Variants in LRP1B observed in about 807,000 individuals in gnomAD.
LRP1B encodes the protein low-density lipoprotein receptor-related protein 1B.
A neutral mutation model predicts 556.6 loss-of-function variants in LRP1B; 217 were observed. The observed-to-expected ratio is 0.39, with a 90% confidence interval of 0.35 to 0.44. LRP1B has a LOEUF of 0.44. Among genes scored for constraint, LRP1B ranks in the 20% least tolerant of loss-of-function variants. The pLI is 1.00. For synonymous variants in LRP1B, 2,047 were observed against 1,865.8 expected (o/e 1.10, Z -2.50); for missense variants, 5,053 against 5,620.8 (o/e 0.90, Z 3.23).
chr2:141,912,078 CCTCT>C (rs1699920466), intron 1 of LRP1B, among the ~76,000 whole-genome samples: 1 of 152,146 alleles, frequency 6.6e-6, no homozygotes, highest in African/African-American at 2.4e-5. Context: ...TATCATATTT[CCTCT>C]CTTATTTCCA....
intron 59 of LRP1B, among the ~76,000 whole-genome samples, chr2:140,485,132 TA>T (rs971738693): frequency 6.6e-5 from 10 of 152,168 alleles, no homozygotes; most frequent in Admixed American, 2.6e-4. Flanking sequence ...TTTAAAACTT[TA>T]AAAAAATAGT....
At position 141,279,671 on chromosome 2, in the gene LRP1B, C is replaced by A. The variant is rs186575695; in HGVS notation, c.344-25030G>T. ...TCATATTTCATTTCTTCTTTTGGAGCCTGGAACAAGCTATCCTCTCAACGA... is the reference window on the plus strand; with the variant it reads ...TCATATTTCATTTCTTCTTTTGGAGACTGGAACAAGCTATCCTCTCAACGA... On this transcript the variant is annotated intron_variant, in intron 3 of 90. Transcript: ENST00000389484. 1.6e-3 allele frequency among the ~76,000 whole-genome samples: 242 copies of A among 152,126 alleles called. 2 individuals carry two copies. Among genetic ancestry groups the A allele is most frequent in the African/African-American group, 5.3e-3 (220 of 41,536 alleles).
rs139190366 is a variant in LRP1B at position 140,399,906 on chromosome 2, T to C, written c.10415-13897A>G. Among the ~76,000 whole-genome samples, 645 of 152,316 alleles carry C rather than the reference T, an allele frequency of 4.2e-3. 4 individuals carry two copies. The highest frequency in any genetic ancestry group is 0.018 in the South Asian group (87 of 4,830). The stretch of plus-strand genomic sequence containing the variant: ...TAACACACTTAGACAGTCTTTGGTA[T>C]TCCCTTTTGTCAATTTTGTTTTTCC... On this transcript the variant is annotated intron_variant, in intron 66 of 90. Coordinates refer to ENST00000389484, the MANE Select transcript of LRP1B (RefSeq NM_018557.3).
intron 3 of LRP1B, among the ~76,000 whole-genome samples, chr2:141,405,511 A>T (rs2104932610): frequency 6.6e-6 from 1 of 152,300 alleles, no homozygotes; most frequent in East Asian, 1.9e-4. Flanking sequence ...TTAGTAGTCA[A>T]ATTAGACACA....
At chr2:141,299,013 C>G (rs300341) in intron 3 of LRP1B, among the ~76,000 whole-genome samples, 144,810 of 150,822 alleles carry the variant, frequency 0.96, 69,801 homozygotes, top group East Asian at 1. Flanking sequence ...GAGTATAATA[C>G]CTTGCAGTAT....
At chr2:141,028,347 GAT>G (rs748502844) in intron 11 of LRP1B, among the ~76,000 whole-genome samples, 10 of 151,526 alleles carry the variant, frequency 6.6e-5, no homozygotes, top group Non-Finnish European at 1.3e-4. Flanking sequence ...ATTCAAGGTA[GAT>G]ATGTATCTCT....
chr2:141,042,514 G>A (rs1698731613), intron 11 of LRP1B, among the ~76,000 whole-genome samples: 1 of 152,068 alleles, frequency 6.6e-6, no homozygotes, highest in South Asian at 2.1e-4. Context: ...CGTGTAGCAG[G>A]CTAATGTTTT....
At chr2:141,933,940 T>A (rs1700568866) in intron 1 of LRP1B, among the ~76,000 whole-genome samples, 1 of 152,052 alleles carries the variant, frequency 6.6e-6, no homozygotes, top group Non-Finnish European at 1.5e-5. Context: ...CAAGTCATCA[T>A]GAGTAAGGGC....
At chr2:141,996,234 T>A (rs1159567720) in intron 1 of LRP1B, among the ~76,000 whole-genome samples, 1 of 150,360 alleles carries the variant, frequency 6.7e-6, no homozygotes, top group Non-Finnish European at 1.5e-5. Context: ...AAAAACGTTA[T>A]AAGTGATTGT....
intron 37 of LRP1B, among the ~76,000 whole-genome samples, chr2:140,708,626 C>T (rs574975131): frequency 6.6e-6 from 1 of 151,712 alleles, no homozygotes; most frequent in East Asian, 1.9e-4. Flanking sequence ...CATCCTCTCA[C>T]TTAAACAAAC....
chr2:141,359,050 C>A (rs1303633714), intron 3 of LRP1B, among the ~76,000 whole-genome samples: 1 of 151,528 alleles, frequency 6.6e-6, no homozygotes, highest in Admixed American at 6.6e-5. Context: ...CTATGAAAAA[C>A]AAATCTATGA....
intron 1 of LRP1B, among the ~76,000 whole-genome samples, chr2:142,053,220 G>A (rs1188166928): frequency 6.6e-6 from 1 of 152,012 alleles, no homozygotes; most frequent in African/African-American, 2.4e-5. Context: ...GCTAAACTGG[G>A]CCAAAATAAT....
At chr2:141,278,375 C>T in intron 3 of LRP1B, among the ~76,000 whole-genome samples, 1 of 152,012 alleles carries the variant, frequency 6.6e-6, no homozygotes, top group East Asian at 1.9e-4. Context: ...ATAGTATATT[C>T]CTAGTATAAA....
chr2:141,675,384 C>A (rs1028343738), intron 2 of LRP1B, among the ~76,000 whole-genome samples: 1 of 151,634 alleles, frequency 6.6e-6, no homozygotes, highest in Admixed American at 6.6e-5. Flanking sequence ...ATCTTTAACC[C>A]AATCTTTGTA....
intron 3 of LRP1B, among the ~76,000 whole-genome samples, chr2:141,407,455 G>A (rs925609931): frequency 2.6e-5 from 4 of 152,126 alleles, no homozygotes; most frequent in African/African-American, 9.7e-5. Flanking sequence ...AGATTGAATT[G>A]TAATCCCCAG....
intron 88 of LRP1B, among the ~76,000 whole-genome samples, chr2:140,238,877 CTA>C (rs1379863421): frequency 1.3e-5 from 2 of 150,870 alleles, no homozygotes; most frequent in East Asian, 2.0e-4. Context: ...ACCCTACACT[CTA>C]TGTCAGTAAT....
At chr2:141,349,844 T>A (rs545715201) in intron 3 of LRP1B, among the ~76,000 whole-genome samples, 2 of 152,144 alleles carry the variant, frequency 1.3e-5, no homozygotes, top group Admixed American at 6.5e-5. Flanking sequence ...TCAAAGAGTA[T>A]AATAGTCAAG....
intron 2 of LRP1B, among the ~76,000 whole-genome samples, chr2:141,672,361 C>A (rs1232584919): frequency 1.3e-5 from 2 of 152,026 alleles, no homozygotes; most frequent in African/African-American, 4.8e-5. Context: ...GTGCAGTAAT[C>A]CAGAGTGTTC....
rs753439739 is a variant in LRP1B at position 140,276,318 on chromosome 2, G to A, written c.12968-1720C>T. Among the ~76,000 whole-genome samples, 52 of 151,932 alleles carry A rather than the reference G, an allele frequency of 3.4e-4. 1 individual carries two copies. The highest frequency in any genetic ancestry group is 5.4e-4 in the Non-Finnish European group (37 of 67,936). ...ATTTATTTCAAGCATTCCCATGCTT[G>A]CTGTTGCACTGTGCCAGGTACCTTC... On this transcript the variant is annotated intron_variant, in intron 84 of 90. Coordinates refer to ENST00000389484, the MANE Select transcript of LRP1B (RefSeq NM_018557.3).
Sources: gnomAD v4.1 joint callset for allele counts (sites outside exome capture counted in the v4.1 genomes callset) on GRCh38, gnomAD v4.1.1 for gene constraint, MANE v1.5 for transcripts, NCBI Gene and HGNC (gene_info 2026-07-23, HGNC 2026-07-21) for gene names.